The following KANK1 variants were observed in gnomAD, a reference collection of about 807,000 sequenced individuals.
KANK1 encodes the protein KN motif and ankyrin repeat domains 1, also known as KN motif and ankyrin repeat domain-containing protein 1.
In KANK1, 109 loss-of-function variants were observed where a neutral mutation model predicts 106.2. That is an observed-to-expected ratio of 1.03 (90% CI 0.88 to 1.20). The LOEUF (loss-of-function observed/expected upper bound fraction) is 1.20. Ranked by LOEUF, KANK1 falls within the 50% of genes most tolerant of loss-of-function variation. The pLI, the probability that KANK1 is intolerant of heterozygous loss-of-function variation, is 0.00. For synonymous variants in KANK1, 873 were observed against 652.2 expected (o/e 1.34, Z -5.16); for missense variants, 2,399 against 1,710.7 (o/e 1.40, Z -7.10).
intron 3 of KANK1, among the ~76,000 whole-genome samples, chr9:718,272 C>T (rs1317573087): frequency 7.1e-6 from 1 of 140,780 alleles, no homozygotes; most frequent in Non-Finnish European, 1.5e-5. Flanking sequence ...ACCTCTCATA[C>T]TGGCTGTGTA....
At chr9:474,350 T>C (rs1402142200) in intron 3 of KANK1, among the ~76,000 whole-genome samples, 1 of 152,234 alleles carries the variant, frequency 6.6e-6, no homozygotes, top group Non-Finnish European at 1.5e-5. Context: ...TGAAGTTCAA[T>C]GCCTTGTCCT....
intron 1 of KANK1, among the ~76,000 whole-genome samples, chr9:632,176 G>C (rs552322018): frequency 3.3e-4 from 51 of 152,268 alleles, no homozygotes; most frequent in African/African-American, 1.1e-3. Flanking sequence ...AACTTCTTTT[G>C]AAGTCAGAAT....
chr9:659,975 A>G, intron 1 of KANK1: 1 of 195,988 alleles, frequency 5.1e-6, no homozygotes, highest in South Asian at 9.4e-5. Flanking sequence ...CCACTGAGGA[A>G]AAACAATCGT....
At chr9:735,299 C>T (rs962901838) in intron 7 of KANK1, among the ~76,000 whole-genome samples, 2 of 152,140 alleles carry the variant, frequency 1.3e-5, no homozygotes, top group Admixed American at 1.3e-4. Context: ...ATGTGGAATG[C>T]AGGCGGCCAC....
At chr9:552,151 C>G (rs535520370) in intron 1 of KANK1, among the ~76,000 whole-genome samples, 3 of 152,090 alleles carry the variant, frequency 2.0e-5, no homozygotes, top group Admixed American at 6.6e-5. Context: ...AAGGACTGAT[C>G]GAATTGTCTG....
At chr9:536,269 G>T (rs1587605239) in intron 1 of KANK1, among the ~76,000 whole-genome samples, 1 of 152,280 alleles carries the variant, frequency 6.6e-6, no homozygotes, top group South Asian at 2.1e-4. Context: ...TGAAACCCAG[G>T]AGGCAGAGTT....
chr9:706,568 C>CTTTTT (rs71314729), intron 2 of KANK1, among the ~76,000 whole-genome samples: 15 of 138,064 alleles, frequency 1.1e-4, no homozygotes, highest in African/African-American at 3.3e-4. Context: ...CTGTATGTGG[C>CTTTTT]TTTTTTTTTT....
intron 1 of KANK1, among the ~76,000 whole-genome samples, chr9:653,025 G>A (rs866679911): frequency 2.0e-5 from 3 of 152,180 alleles, no homozygotes; most frequent in African/African-American, 7.2e-5. Flanking sequence ...GCACAGCTGG[G>A]TCCTGTGAGG....
At chr9:728,804 T>G (rs1037060045) in intron 3 of KANK1, among the ~76,000 whole-genome samples, 4 of 152,172 alleles carry the variant, frequency 2.6e-5, no homozygotes, top group Non-Finnish European at 1.5e-5. Flanking sequence ...CTTTAGATAA[T>G]AAGTTAACTT....
In KANK1 at chr9:745,511, T is replaced by C. The variant is rs1836961142; in HGVS notation, c.*276T>C. On this transcript the variant is annotated 3_prime_UTR_variant, in exon 12 of 12. Transcript: ENST00000382297. ...CGTTTTGTACAGTCACAGGGAATTC[T>C]GATCTGAAGGGGCACCTTCTGTTCA... is the stretch of plus-strand genomic sequence containing the variant. 2 of 296,846 alleles carry C rather than the reference T, an allele frequency of 6.7e-6. No homozygotes were observed. Among genetic ancestry groups the C allele is most frequent in the Non-Finnish European group, 1.2e-5 (2 of 160,814 alleles). The allele number at this position is 296,846 out of a possible 1,614,324, so 18.4% of individuals were successfully genotyped here. A position where few individuals can be genotyped will look rare whatever the true frequency, so the allele number is the denominator to read the frequency against.
At chr9:745,029 G>A (rs763859295) in intron 11 of KANK1, 144 bp from the exon 12 acceptor site, 8 of 1,513,312 alleles carry the variant, frequency 5.3e-6, no homozygotes, top group African/African-American at 1.4e-5. Context: ...GTGGACACCT[G>A]TTCCCTGTTC....
At chr9:552,057 A>G (rs1481270383) in intron 1 of KANK1, among the ~76,000 whole-genome samples, 2 of 152,222 alleles carry the variant, frequency 1.3e-5, no homozygotes, top group Middle Eastern at 3.4e-3. Context: ...GTCTCAAAAA[A>G]ACAAAAATAA....
Position 618,239 on chromosome 9 carries a change from C to G in KANK1, c.-83-58651C>G, listed in dbSNP as rs72689690. Reference sequence around the variant, plus strand: ...TTTATTTATTTACGAGACAGAGTCTCGCCCTGTCACACAGGCTAAAGTGCA... The same window carrying G: ...TTTATTTATTTACGAGACAGAGTCTGGCCCTGTCACACAGGCTAAAGTGCA... On this transcript the variant is annotated intron_variant, in intron 1 of 11. Coordinates refer to ENST00000382297, the MANE Select transcript of KANK1 (RefSeq NM_015158.5). 2.6e-5 allele frequency among the ~76,000 whole-genome samples: 4 copies of G among 152,216 alleles called. No individual in the cohort carries two copies. In the South Asian group the frequency reaches 8.3e-4, roughly 32 times the overall value.
At chr9:593,459 C>T (rs72689660) in intron 1 of KANK1, among the ~76,000 whole-genome samples, 2 of 148,546 alleles carry the variant, frequency 1.3e-5, no homozygotes, top group Non-Finnish European at 3.0e-5. Context: ...ATTCCCCCCC[C>T]CCATATACTT....
At chr9:503,645 C>T (rs145406410), upstream of KANK1, among the ~76,000 whole-genome samples, 2 of 152,140 alleles carry the variant, frequency 1.3e-5, no homozygotes, top group Non-Finnish European at 2.9e-5. Context: ...AGGACTCTCT[C>T]CCTTAAGAAA....
intron 3 of KANK1, among the ~76,000 whole-genome samples, chr9:722,066 C>T (rs966505760): frequency 2.6e-5 from 4 of 152,212 alleles, no homozygotes; most frequent in Admixed American, 2.6e-4. Context: ...TAGCTGACTC[C>T]GTCTTACTTC....
intron 9 of KANK1, 73 bp from the exon 10 acceptor site, chr9:742,132 G>A: frequency 1.5e-6 from 2 of 1,290,786 alleles, no homozygotes; most frequent in Non-Finnish European, 2.2e-6. Flanking sequence ...CCTTTCCCTA[G>A]CACAGCCCCA....
At chr9:631,983 A>G (rs959511810) in intron 1 of KANK1, among the ~76,000 whole-genome samples, 2 of 152,200 alleles carry the variant, frequency 1.3e-5, no homozygotes, top group African/African-American at 2.4e-5. Context: ...ACAGTATGCC[A>G]TGATAACTTC....
chr9:671,559 C>T (rs10815456), intron 1 of KANK1, among the ~76,000 whole-genome samples: 110,712 of 124,930 alleles, frequency 0.89, 49,337 homozygotes, highest in East Asian at 0.97. Context: ...GAGCTTGCAG[C>T]GTGCCGAGAT....
Sources: gnomAD v4.1 joint callset for allele counts (sites outside exome capture counted in the v4.1 genomes callset) on GRCh38, gnomAD v4.1.1 for gene constraint, MANE v1.5 for transcripts, NCBI Gene and HGNC (gene_info 2026-07-23, HGNC 2026-07-21) for gene names.